CHD7: variants seen among roughly 807,000 people sequenced by gnomAD.
CHD7 encodes chromodomain helicase DNA binding protein 7, also known as ATP-dependent chromatin remodeler CHD7.
In CHD7, 24 loss-of-function variants were observed where a neutral mutation model predicts 307.3. The observed-to-expected ratio is 0.08, with a 90% CI of 0.06 to 0.11. The LOEUF (loss-of-function observed/expected upper bound fraction) is 0.11, where lower values mean the gene tolerates loss of function less well. CHD7 is among the 10% of genes least tolerant of loss of function. CHD7 has a pLI of 1.00. For missense variants in CHD7, 3,106 were observed against 3,727.1 expected, an observed-to-expected ratio of 0.83 and a Z score of 4.34; for synonymous variants, 1,363 against 1,349.9, an observed-to-expected ratio of 1.01 and a Z score of -0.21.
chr8:60,843,047 T>C (rs757512445), intron 21 of CHD7, among the ~76,000 whole-genome samples: 2 of 152,232 alleles, frequency 1.3e-5, no homozygotes, highest in Non-Finnish European at 2.9e-5. Context: ...GCTTGTGCTC[T>C]GCAACTGAGT....
intron 2 of CHD7, among the ~76,000 whole-genome samples, chr8:60,759,899 A>G (rs1167770188): frequency 2.6e-5 from 4 of 152,056 alleles, no homozygotes; most frequent in Non-Finnish European, 4.4e-5. Context: ...TATTCATCGG[A>G]TGTTTAGTGA....
At position 60,800,318 on chromosome 8, in the gene CHD7, C is replaced by A. The variant is rs989913560; in HGVS notation, c.2239-70C>A. The A allele has an allele frequency of 6.6e-6, 10 of 1,514,094 alleles. No individual in the cohort carries two copies. In the African/African-American group the frequency reaches 1.1e-4, roughly 17 times the overall value. 93.8% of individuals were successfully genotyped at this position (1,514,094 alleles called of 1,614,324 possible). A position where few individuals can be genotyped will look rare whatever the true frequency, so the allele number is the denominator to read the frequency against. ...AAGTGCTGGGATTACAGGCGTGAGCCACTGCGCTCGGCCACATTTTTCTTT... is the reference window on the plus strand; with the variant it reads ...AAGTGCTGGGATTACAGGCGTGAGCAACTGCGCTCGGCCACATTTTTCTTT... On this transcript the variant is annotated intron_variant, in intron 4 of 37. Transcript: ENST00000423902.
chr8:60,774,271 T>C (rs889781067), intron 2 of CHD7, among the ~76,000 whole-genome samples: 1 of 152,178 alleles, frequency 6.6e-6, no homozygotes, highest in African/African-American at 2.4e-5. Flanking sequence ...AATCTTAAGG[T>C]TTCGGTTCCA....
At chr8:60,740,270 A>G (rs1043529162) in intron 1 of CHD7, among the ~76,000 whole-genome samples, 10 of 152,378 alleles carry the variant, frequency 6.6e-5, no homozygotes, top group East Asian at 5.8e-4. Flanking sequence ...ACTTAAGGCA[A>G]TGGTGAGGAG....
chr8:60,807,695 C>T (rs1011202992), intron 6 of CHD7, among the ~76,000 whole-genome samples: 3 of 152,190 alleles, frequency 2.0e-5, no homozygotes, highest in Admixed American at 2.0e-4. Flanking sequence ...GAAATTACAG[C>T]ATAAGAACAA....
intron 6 of CHD7, among the ~76,000 whole-genome samples, chr8:60,807,606 C>T (rs1563617673): frequency 6.6e-6 from 1 of 152,110 alleles, no homozygotes; most frequent in Non-Finnish European, 1.5e-5. Context: ...TATTTGGCTG[C>T]TATGTGTGTG....
chr8:60,717,033 CTTTTT>C (rs57809302), intron 1 of CHD7, among the ~76,000 whole-genome samples: 2 of 134,970 alleles, frequency 1.5e-5, no homozygotes, highest in East Asian at 4.3e-4. Flanking sequence ...TACCTTAAGC[CTTTTT>C]TTTTTTTTTT....
chr8:60,738,502 T>C (rs1808822392), intron 1 of CHD7, among the ~76,000 whole-genome samples: 1 of 149,072 alleles, frequency 6.7e-6, no homozygotes, highest in African/African-American at 2.5e-5. Context: ...AAAATAGGGC[T>C]TTGAATGAAT....
At chr8:60,814,939 A>G (rs1563623886) in intron 7 of CHD7, among the ~76,000 whole-genome samples, 1 of 152,224 alleles carries the variant, frequency 6.6e-6, no homozygotes, top group African/African-American at 2.4e-5. Context: ...CTGAAATCCA[A>G]AATGCTCCAT....
chr8:60,715,189 G>T (rs1483036338), intron 1 of CHD7, among the ~76,000 whole-genome samples: 1 of 152,216 alleles, frequency 6.6e-6, no homozygotes, highest in African/African-American at 2.4e-5. Context: ...AGAACTAACA[G>T]CTTTGGGCTA....
At chr8:60,860,499 G>A (rs1308078893) in intron 34 of CHD7, among the ~76,000 whole-genome samples, 1 of 152,206 alleles carries the variant, frequency 6.6e-6, no homozygotes, top group East Asian at 1.9e-4. Flanking sequence ...CAGTGGCACA[G>A]TCTCTGCTCA....
chr8:60,715,791 A>G (rs753023183), intron 1 of CHD7, among the ~76,000 whole-genome samples: 4 of 152,152 alleles, frequency 2.6e-5, no homozygotes, highest in Non-Finnish European at 4.4e-5. Flanking sequence ...CAAAACGTCA[A>G]GTTACATGGT....
chr8:60,729,703 A>G (rs1808345598), intron 1 of CHD7, among the ~76,000 whole-genome samples: 1 of 152,188 alleles, frequency 6.6e-6, no homozygotes, highest in South Asian at 2.1e-4. Flanking sequence ...TCATAGGTAA[A>G]CTTAAATTAT....
intron 3 of CHD7, among the ~76,000 whole-genome samples, chr8:60,783,169 A>T (rs1811341348): frequency 6.6e-6 from 1 of 152,186 alleles, no homozygotes. Flanking sequence ...ATTGTTATGA[A>T]TTTCCAAGTA....
intron 2 of CHD7, among the ~76,000 whole-genome samples, chr8:60,745,926 A>G (rs1408453526): frequency 6.6e-6 from 1 of 152,242 alleles, no homozygotes; most frequent in Non-Finnish European, 1.5e-5. Flanking sequence ...TGTCCACTCC[A>G]TGGTATATAT....
chr8:60,854,603 A>G (rs1371634904), intron 32 of CHD7, 80 bp downstream of exon 32: 58 of 1,273,434 alleles, frequency 4.6e-5, no homozygotes, highest in Non-Finnish European at 5.8e-5. Context: ...TGATTTTTCA[A>G]GTAATTTTAA....
At chr8:60,849,305 A>C (rs1291737120) in intron 25 of CHD7, among the ~76,000 whole-genome samples, 151 bp downstream of exon 25, 2 of 152,366 alleles carry the variant, frequency 1.3e-5, no homozygotes, top group East Asian at 1.9e-4. Flanking sequence ...TAAAAATCTA[A>C]TATGAACTGT....
At chr8:60,720,636 C>A (rs1048583651) in intron 1 of CHD7, among the ~76,000 whole-genome samples, 2 of 152,222 alleles carry the variant, frequency 1.3e-5, no homozygotes, top group Non-Finnish European at 2.9e-5. Context: ...CCTGTGCACC[C>A]TTCTCCGTTC....
chr8:60,702,315 GA>G (rs1328345119), intron 1 of CHD7, among the ~76,000 whole-genome samples: 1 of 152,126 alleles, frequency 6.6e-6, no homozygotes, highest in Non-Finnish European at 1.5e-5. Context: ...ATATAATCTG[GA>G]AAATATAGGA....
Sources: gnomAD v4.1 joint callset for allele counts (sites outside exome capture counted in the v4.1 genomes callset) on GRCh38, gnomAD v4.1.1 for gene constraint, MANE v1.5 for transcripts, NCBI Gene and HGNC (gene_info 2026-07-23, HGNC 2026-07-21) for gene names.